The following PGM5 variants were observed in gnomAD, a reference collection of about 807,000 sequenced individuals.
The protein encoded by PGM5 is phosphoglucomutase 5.
PGM5 carries 23 observed loss-of-function variants against 59.2 expected under a neutral mutation model. That is an observed-to-expected ratio of 0.39 (90% CI 0.28 to 0.55). PGM5 has a LOEUF of 0.55. Among genes scored for constraint, PGM5 ranks in the 20% least tolerant of loss-of-function variants. PGM5 has a pLI of 0.66. For missense variants in PGM5, 574 were observed against 748.3 expected (o/e 0.77, Z 2.72); for synonymous variants, 214 against 286.0 (o/e 0.75, Z 2.54).
chr9:68,368,704 G>A (rs1461353648), intron 1 of PGM5, among the ~76,000 whole-genome samples: 8 of 151,644 alleles, frequency 5.3e-5, no homozygotes, highest in Non-Finnish European at 1.2e-4. Context: ...GAGTGCAGTC[G>A]TTATCCAAGC....
intron 6 of PGM5, among the ~76,000 whole-genome samples, chr9:68,394,637 T>G (rs1340081427): frequency 6.6e-6 from 1 of 151,496 alleles, no homozygotes; most frequent in Non-Finnish European, 1.5e-5. Flanking sequence ...TTGTTTATTT[T>G]AGAGAAAGGG....
intron 6 of PGM5, among the ~76,000 whole-genome samples, chr9:68,436,480 A>G (rs1823443182): frequency 6.6e-6 from 1 of 152,186 alleles, no homozygotes; most frequent in Non-Finnish European, 1.5e-5. Context: ...GCAGCCAGAG[A>G]GAAGGAGTAT....
At position 68,499,371 on chromosome 9, in the gene PGM5, C is replaced by A. The variant is rs781899932; in HGVS notation, c.1614+10C>A. 5.6e-6 allele frequency: 9 copies of A among 1,613,530 alleles called. No homozygotes were observed. The highest frequency in any genetic ancestry group is 5.0e-5 in the Admixed American group (3 of 59,976). On this transcript the variant is annotated intron_variant, in intron 10 of 10. Coordinates refer to ENST00000396396, the MANE Select transcript of PGM5 (RefSeq NM_021965.4). Reference sequence around the variant, plus strand: ...TGACCAGGAGCCACAGGTACAGAAACAGCTGTGCTCCCAGCAGTGTGTCTC... The same window carrying A: ...TGACCAGGAGCCACAGGTACAGAAAAAGCTGTGCTCCCAGCAGTGTGTCTC...
chr9:68,474,772 C>CCATATT (rs1554686527), intron 7 of PGM5, among the ~76,000 whole-genome samples: 1 of 151,138 alleles, frequency 6.6e-6, no homozygotes, highest in Admixed American at 6.6e-5. Flanking sequence ...TGGGTATATT[C>CCATATT]TCCCTGCAAT....
intron 6 of PGM5, among the ~76,000 whole-genome samples, chr9:68,446,886 C>T (rs897407047): frequency 7.2e-5 from 11 of 152,176 alleles, no homozygotes; most frequent in East Asian, 5.8e-4. Context: ...ATCTCCTGAT[C>T]GGCATTCCTC....
intron 7 of PGM5, among the ~76,000 whole-genome samples, chr9:68,467,573 C>G (rs1823954075): frequency 6.6e-6 from 1 of 152,152 alleles, no homozygotes; most frequent in Non-Finnish European, 1.5e-5. Context: ...TTCCTCTATC[C>G]TCATTTTCCC....
In PGM5 at chr9:68,448,214, G is replaced by A. The variant is rs149001228; in HGVS notation, c.1044-16879G>A. 8.5e-5 allele frequency among the ~76,000 whole-genome samples: 13 copies of A among 152,220 alleles called. No individual in the cohort carries two copies. The East Asian group carries it at 2.5e-3, about 29-fold the overall frequency. Reference sequence around the variant, plus strand: ...CAGTAAACAAAAGTCTGCAGGAGAGGCTAAAAATCACAGAAATGTGACAGT... The same window carrying A: ...CAGTAAACAAAAGTCTGCAGGAGAGACTAAAAATCACAGAAATGTGACAGT... On this transcript the variant is annotated intron_variant, in intron 6 of 10. Transcript: ENST00000396396.
chr9:68,452,561 C>T (rs201705003), intron 6 of PGM5, among the ~76,000 whole-genome samples: 6 of 152,192 alleles, frequency 3.9e-5, no homozygotes, highest in East Asian at 1.9e-4. Context: ...TAGCACTGCA[C>T]GGGTGATCCT....
chr9:68,510,905 G>T (rs142021606), intron 10 of PGM5, among the ~76,000 whole-genome samples: 4 of 152,322 alleles, frequency 2.6e-5, no homozygotes, highest in African/African-American at 9.6e-5. Context: ...ATTGGCAATT[G>T]GTTGAAAAAT....
chr9:68,494,745 C>G (rs1476260815), intron 9 of PGM5, among the ~76,000 whole-genome samples: 1 of 152,214 alleles, frequency 6.6e-6, no homozygotes, highest in African/African-American at 2.4e-5. Context: ...CTTAAGACAT[C>G]TTGAGAAATG....
chr9:68,483,781 G>A (rs1824239115), intron 8 of PGM5, 84 bp from the exon 9 acceptor site: 35 of 1,268,790 alleles, frequency 2.8e-5, no homozygotes, highest in Non-Finnish European at 3.8e-5. Context: ...CCTGGAAACA[G>A]AACCAATGAT....
chr9:68,367,294 GC>G (rs1324277120), intron 1 of PGM5, among the ~76,000 whole-genome samples: 1 of 150,022 alleles, frequency 6.7e-6, no homozygotes, highest in Non-Finnish European at 1.5e-5. Flanking sequence ...TGTGTTAAGA[GC>G]AAACCCTCTC....
chr9:68,439,665 CAT>C (rs1219470853), intron 6 of PGM5, among the ~76,000 whole-genome samples: 1 of 148,412 alleles, frequency 6.7e-6, no homozygotes, highest in Non-Finnish European at 1.5e-5. Context: ...CATATATACA[CAT>C]GTGTATATAT....
At chr9:68,522,645 G>T (rs1189721525) in intron 10 of PGM5, among the ~76,000 whole-genome samples, 1 of 152,270 alleles carries the variant, frequency 6.6e-6, no homozygotes, top group South Asian at 2.1e-4. Context: ...CTTATTAATT[G>T]TGATTTTATT....
chr9:68,530,374 C>T lies in PGM5; in HGVS notation c.*718C>T, dbSNP rs1356374355. On this transcript the variant is annotated 3_prime_UTR_variant, in exon 11 of 11. Transcript: ENST00000396396. ...CTGGATACCTTCTTTCAAATTCAGCCATTCAGTTGTAAAGTTGGGAAGAAG... is the reference window on the plus strand; with the variant it reads ...CTGGATACCTTCTTTCAAATTCAGCTATTCAGTTGTAAAGTTGGGAAGAAG... 2 of 152,176 alleles carry T rather than the reference C, an allele frequency of 1.3e-5. No homozygotes were observed. Among genetic ancestry groups the T allele is most frequent in the East Asian group, 3.8e-4 (2 of 5,200 alleles). The allele number at this position is 152,176 out of a possible 1,614,324, so 9.4% of individuals were successfully genotyped here.
intron 2 of PGM5, among the ~76,000 whole-genome samples, chr9:68,378,754 T>C (rs1821989523): frequency 1.3e-5 from 2 of 152,176 alleles, no homozygotes; most frequent in African/African-American, 2.4e-5. Context: ...GTCAGATTAA[T>C]GATTTTTAGC....
chr9:68,407,840 C>T (rs1291190578), intron 6 of PGM5, among the ~76,000 whole-genome samples: 3 of 152,204 alleles, frequency 2.0e-5, no homozygotes, highest in Admixed American at 2.0e-4. Flanking sequence ...AAGAATTGCT[C>T]TTTGATATAC....
At chr9:68,359,843 A>G (rs1295371633) in intron 1 of PGM5, among the ~76,000 whole-genome samples, 3 of 152,210 alleles carry the variant, frequency 2.0e-5, no homozygotes, top group African/African-American at 7.2e-5. Context: ...CTTTTTTTAA[A>G]TTAAATTTCA....
chr9:68,463,027 C>A (rs1351760314), intron 6 of PGM5, among the ~76,000 whole-genome samples: 8 of 151,952 alleles, frequency 5.3e-5, no homozygotes, highest in Admixed American at 4.6e-4. Context: ...AGAGAGAAGA[C>A]GGAATATTTG....
Sources: gnomAD v4.1 joint callset for allele counts (sites outside exome capture counted in the v4.1 genomes callset) on GRCh38, gnomAD v4.1.1 for gene constraint, MANE v1.5 for transcripts, NCBI Gene and HGNC (gene_info 2026-07-23, HGNC 2026-07-21) for gene names.